The following SAMD4A variants were observed in gnomAD, a reference collection of about 807,000 sequenced individuals.
SAMD4A encodes the protein protein Smaug homolog 1.
Under a neutral mutation model 81.3 loss-of-function variants are expected in SAMD4A, and 33 were observed. The observed-to-expected ratio is 0.41, with a 90% CI of 0.31 to 0.54. SAMD4A has a LOEUF of 0.54. SAMD4A is among the 20% of genes least tolerant of loss of function. The pLI, the probability that SAMD4A is intolerant of heterozygous loss-of-function variation, is 0.37. For synonymous variants in SAMD4A, 389 were observed against 382.1 expected, an observed-to-expected ratio of 1.02 and a Z score of -0.21; for missense variants, 854 against 951.1, an observed-to-expected ratio of 0.90 and a Z score of 1.34.
Position 54,791,770 on chromosome 14 carries a change from G to A in SAMD4A, c.*2826G>A, listed in dbSNP as rs2039263734. 1 of 152,072 alleles carries A rather than the reference G, an allele frequency of 6.6e-6. No homozygotes were observed. Among genetic ancestry groups the A allele is most frequent in the Non-Finnish European group, 1.5e-5 (1 of 67,992 alleles). The allele number at this position is 152,072 out of a possible 1,614,324, so 9.4% of individuals were successfully genotyped here. Reference sequence around the variant, plus strand: ...TCAATTTAAAAATCCTAAAGCAAAAGAATTTTATTTATAAAAGAATCAAAC... The same window carrying A: ...TCAATTTAAAAATCCTAAAGCAAAAAAATTTTATTTATAAAAGAATCAAAC... On this transcript the variant is annotated 3_prime_UTR_variant, in exon 13 of 13. Coordinates refer to ENST00000554335, the MANE Select transcript of SAMD4A (RefSeq NM_015589.6).
intron 2 of SAMD4A, among the ~76,000 whole-genome samples, chr14:54,588,352 G>A (rs937031181): frequency 2.4e-4 from 36 of 150,814 alleles, no homozygotes; most frequent in Non-Finnish European, 4.9e-4. Context: ...TTTATCTTTT[G>A]TATTTTTTTT....
At chr14:54,718,047 T>A (rs2037165679) in intron 3 of SAMD4A, among the ~76,000 whole-genome samples, 1 of 152,176 alleles carries the variant, frequency 6.6e-6, no homozygotes. Flanking sequence ...CTCTTGCTCC[T>A]CTTCCCCCAG....
intron 2 of SAMD4A, among the ~76,000 whole-genome samples, chr14:54,672,300 A>G (rs735221): frequency 0.026 from 3,930 of 152,000 alleles, 102 homozygotes; most frequent in East Asian, 0.086. Flanking sequence ...AAATGCAGTC[A>G]TCTTTACTCT....
chr14:54,597,234 A>G (rs1337950065), intron 2 of SAMD4A, among the ~76,000 whole-genome samples: 2 of 151,198 alleles, frequency 1.3e-5, no homozygotes, highest in South Asian at 2.1e-4. Context: ...CAATCCCCAC[A>G]TCTCTCTATC....
intron 2 of SAMD4A, among the ~76,000 whole-genome samples, chr14:54,672,237 T>G (rs1333210572): frequency 1.3e-5 from 2 of 151,938 alleles, no homozygotes; most frequent in East Asian, 1.9e-4. Flanking sequence ...TTTTTTTGTG[T>G]TTTTTTCCCT....
chr14:54,679,196 C>G (rs1008070566), intron 2 of SAMD4A, among the ~76,000 whole-genome samples: 1 of 152,090 alleles, frequency 6.6e-6, no homozygotes, highest in African/African-American at 2.4e-5. Context: ...TTGGGTGATT[C>G]TAATGTGTCT....
In SAMD4A at chr14:54,665,617, C is replaced by A. The variant is rs945493967; in HGVS notation, c.197-36445C>A. ...TCTTTTGCCTGTCAGGGCATAGATC[C>A]AAATTCAGAGCAGATGGTGGGAAAG... On this transcript the variant is annotated intron_variant, in intron 2 of 12. Coordinates refer to ENST00000554335, the MANE Select transcript of SAMD4A (RefSeq NM_015589.6). Among the ~76,000 whole-genome samples the A allele has an allele frequency of 4.6e-5, 7 of 152,320 alleles. No homozygotes were observed. In the East Asian group the frequency reaches 9.6e-4, roughly 21 times the overall value.
At chr14:54,661,286 C>T (rs1478242883) in intron 2 of SAMD4A, among the ~76,000 whole-genome samples, 1 of 152,102 alleles carries the variant, frequency 6.6e-6, no homozygotes, top group African/African-American at 2.4e-5. Flanking sequence ...TAATACAGAA[C>T]AAAAATTCTT....
At chr14:54,623,482 GCAAAAAAAAA>G (rs2034667334) in intron 2 of SAMD4A, among the ~76,000 whole-genome samples, 1 of 4,086 alleles carries the variant, frequency 2.4e-4, no homozygotes, top group African/African-American at 7.8e-4. Flanking sequence ...TTGGACATCA[GCAAAAAAAAA>G]AAAAAAAAAA....
chr14:54,637,547 G>C (rs549864483), intron 2 of SAMD4A, among the ~76,000 whole-genome samples: 35 of 152,216 alleles, frequency 2.3e-4, no homozygotes, highest in African/African-American at 7.0e-4. Context: ...AGCAAGAAGA[G>C]TCCGACCTCT....
chr14:54,702,102 G>T lies in SAMD4A; in HGVS notation c.237G>T (p.Val79=). ...GGCAACAGGAATCCAAGGATAAAGT[G>T]ATTTCCCTCCTGTTAACTCATCTGC... ...NQWQQESKDK[V]ISLLLTHLPL... is the part of the protein sequence containing the mutation. The change falls in exon 3 of 13, where the codon GTG becomes GTT. Residue 79 remains valine, a synonymous_variant. Transcript: ENST00000554335. 6.2e-7 allele frequency: 1 copy of T among 1,614,108 alleles called. No individual in the cohort carries two copies. The highest frequency in any genetic ancestry group is 1.1e-5 in the South Asian group (1 of 91,068).
Position 54,594,679 on chromosome 14 carries a change from T to C in SAMD4A, c.196+26567T>C, listed in dbSNP as rs117275172. Among the ~76,000 whole-genome samples the C allele has an allele frequency of 6.0e-3, 912 of 152,358 alleles. 6 individuals are homozygous for C. Among genetic ancestry groups the C allele is most frequent in the Middle Eastern group, 0.034 (10 of 294 alleles). Reference sequence around the variant, plus strand: ...CACTGAATCAGATTTAATTGGTGGTTGTACTTTTTCCCTTGGGAACACATT... The same window carrying C: ...CACTGAATCAGATTTAATTGGTGGTCGTACTTTTTCCCTTGGGAACACATT... On this transcript the variant is annotated intron_variant, in intron 2 of 12. Coordinates refer to ENST00000554335, the MANE Select transcript of SAMD4A (RefSeq NM_015589.6).
At position 54,784,720 on chromosome 14, in the gene SAMD4A, T is replaced by TG. The variant is rs376815517; in HGVS notation, c.2128+105dup. Reference sequence around the variant, plus strand: ...TACCGTGGCAGGAGCTCAGGAGAATTGGGGGAGGACAAGGAGGGGTAGGCA... The same window carrying TG: ...TACCGTGGCAGGAGCTCAGGAGAATTGGGGGGAGGACAAGGAGGGGTAGGCA... On this transcript the variant is annotated intron_variant, in intron 12 of 12. Coordinates refer to ENST00000554335, the MANE Select transcript of SAMD4A (RefSeq NM_015589.6). 6.3e-4 allele frequency: 692 copies of TG among 1,095,602 alleles called. 1 individual carries two copies. The highest frequency in any genetic ancestry group is 8.5e-4 in the Non-Finnish European group (604 of 713,640). 67.9% of individuals were successfully genotyped at this position (1,095,602 alleles called of 1,614,324 possible).
intron 2 of SAMD4A, among the ~76,000 whole-genome samples, chr14:54,660,132 G>C (rs8022597): frequency 0.47 from 71,383 of 151,906 alleles, 17,204 homozygotes; most frequent in African/African-American, 0.51. Flanking sequence ...TGTTTCAGGG[G>C]TTTGGTGTAT....
chr14:54,672,451 T>C (rs575910755), intron 2 of SAMD4A, among the ~76,000 whole-genome samples: 1 of 152,328 alleles, frequency 6.6e-6, no homozygotes, highest in South Asian at 2.1e-4. Flanking sequence ...CTCTTCTACC[T>C]ATCTATAGCT....
chr14:54,752,489 G>C (rs1594896851), intron 6 of SAMD4A, among the ~76,000 whole-genome samples: 1 of 152,352 alleles, frequency 6.6e-6, no homozygotes, highest in Admixed American at 6.5e-5. Flanking sequence ...TTTTGGAAGG[G>C]AACAGAGTAT....
chr14:54,577,813 GAGA>G (rs1307309781), intron 2 of SAMD4A, among the ~76,000 whole-genome samples: 1 of 152,330 alleles, frequency 6.6e-6, no homozygotes, highest in East Asian at 1.9e-4. Flanking sequence ...AGGGTGAACT[GAGA>G]AGAAGATGAG....
chr14:54,592,370 C>T (rs190992656), intron 2 of SAMD4A, among the ~76,000 whole-genome samples: 10 of 152,340 alleles, frequency 6.6e-5, no homozygotes, highest in African/African-American at 2.4e-4. Context: ...ACACTTTCTT[C>T]TCCTCTTTCC....
chr14:54,604,619 T>C lies in SAMD4A; in HGVS notation c.196+36507T>C, dbSNP rs112817585. ...TTCAATCTTTTGTAGTTCTGAAAAT[T>C]TATGAACGCTTATACATGTTGCTTA... On this transcript the variant is annotated intron_variant, in intron 2 of 12. Transcript: ENST00000554335. Among the ~76,000 whole-genome samples, 906 of 152,320 alleles carry C rather than the reference T, an allele frequency of 5.9e-3. 4 individuals are homozygous for C. Among genetic ancestry groups the C allele is most frequent in the Non-Finnish European group, 9.0e-3 (611 of 68,036 alleles).
Sources: gnomAD v4.1 joint callset for allele counts (sites outside exome capture counted in the v4.1 genomes callset) on GRCh38, gnomAD v4.1.1 for gene constraint, MANE v1.5 for transcripts, NCBI Gene and HGNC (gene_info 2026-07-23, HGNC 2026-07-21) for gene names.